Variants in CFAP251 observed in about 807,000 individuals in gnomAD.
The protein encoded by CFAP251 is cilia and flagella associated protein 251.
A neutral mutation model predicts 126.7 loss-of-function variants in CFAP251; 93 were observed. That is an observed-to-expected ratio of 0.73 (90% CI 0.62 to 0.87). CFAP251 has a LOEUF of 0.87. CFAP251 is among the 40% of genes least tolerant of loss of function. The pLI is 0.00. For synonymous variants in CFAP251, 503 were observed against 506.9 expected, an observed-to-expected ratio of 0.99 and a Z score of 0.10; for missense variants, 1,287 against 1,389.2, an observed-to-expected ratio of 0.93 and a Z score of 1.17.
chr12:121,975,777 G>A (rs1023250726), intron 19 of CFAP251, 92 bp downstream of exon 19: 2 of 1,398,650 alleles, frequency 1.4e-6, no homozygotes, highest in African/African-American at 2.9e-5. Flanking sequence ...AGCAAAAATT[G>A]CACATTTTTC....
intron 17 of CFAP251, among the ~76,000 whole-genome samples, chr12:121,973,730 A>C (rs1273228763): frequency 1.3e-5 from 2 of 152,196 alleles, no homozygotes; most frequent in Non-Finnish European, 2.9e-5. Context: ...TCAGACTTGC[A>C]TGAGGCCTGT....
At chr12:121,941,780 C>T (rs1485260900) in intron 5 of CFAP251, among the ~76,000 whole-genome samples, 1 of 152,110 alleles carries the variant, frequency 6.6e-6, no homozygotes, top group African/African-American at 2.4e-5. Context: ...TTACTTTTTC[C>T]ATGATTTCCC....
At chr12:121,942,681 G>A (rs1881170006) in intron 6 of CFAP251, 36 bp downstream of exon 6, 1 of 1,550,986 alleles carries the variant, frequency 6.4e-7, no homozygotes, top group Admixed American at 1.8e-5. Flanking sequence ...GCATCAGCGA[G>A]CTGGCCGACC....
Position 121,974,999 on chromosome 12 carries a change from T to G in CFAP251, c.2772-245T>G, listed in dbSNP as rs1882420809. On this transcript the variant is annotated intron_variant, in intron 17 of 21. Coordinates refer to ENST00000288912, the MANE Select transcript of CFAP251 (RefSeq NM_144668.6). This position sits in a 1 kb window ranked among gnomAD's most constrained non-coding sequence, Gnocchi z 4.6. ...GACAAATTGCCAAGCACCTGCCCTG[T>G]CATCATCAAGAGAATATCACCATAA... is the stretch of plus-strand genomic sequence containing the variant. 6.6e-6 allele frequency among the ~76,000 whole-genome samples: 1 copy of G among 152,198 alleles called. No homozygotes were observed.
chr12:121,942,862 TTCTCATGCCCC>T (rs1881178262), intron 6 of CFAP251, 22 bp from the exon 7 acceptor site: 4 of 1,612,250 alleles, frequency 2.5e-6, no homozygotes, highest in Non-Finnish European at 3.4e-6. Flanking sequence ...TTCACAGACC[TTCTCATGCCCC>T]TCTCTCTACT....
intron 15 of CFAP251, among the ~76,000 whole-genome samples, chr12:121,963,558 G>A (rs777834445): frequency 1.3e-5 from 2 of 150,908 alleles, no homozygotes; most frequent in Non-Finnish European, 2.9e-5. Context: ...CCACAGCCAG[G>A]GAGCAGGGCA....
intron 15 of CFAP251, among the ~76,000 whole-genome samples, chr12:121,963,895 C>T (rs1882033604): frequency 6.6e-6 from 1 of 151,790 alleles, no homozygotes; most frequent in African/African-American, 2.4e-5. Flanking sequence ...CCTGGTCAGC[C>T]CTGGAGGGGA....
chr12:122,002,211 C>T (rs891671895), intron 21 of CFAP251, among the ~76,000 whole-genome samples: 1 of 152,044 alleles, frequency 6.6e-6, no homozygotes, highest in Non-Finnish European at 1.5e-5. Flanking sequence ...GAAAATTAGC[C>T]AAGCATGGTG....
At chr12:121,970,719 C>T (rs959438786) in intron 17 of CFAP251, among the ~76,000 whole-genome samples, 4 of 152,206 alleles carry the variant, frequency 2.6e-5, no homozygotes, top group Admixed American at 6.5e-5. Context: ...TCGTTGGGAT[C>T]GCATGTAGCT....
intron 19 of CFAP251, among the ~76,000 whole-genome samples, chr12:121,981,560 G>A (rs1882623434): frequency 6.6e-6 from 1 of 152,186 alleles, no homozygotes; most frequent in Admixed American, 6.5e-5. Context: ...CAAGTTCCAG[G>A]CACCCTTGCC....
At position 121,957,248 on chromosome 12, in the gene CFAP251, A is replaced by C. The variant is rs1209154693; in HGVS notation, c.1710A>C (p.Lys570Asn). Residue 570 changes from lysine (K) to asparagine (N), a missense_variant, in exon 11 of 22, where the codon AAA (lysine) becomes AAC (asparagine). Physicochemically the swap from Lys to Asn is moderately conservative, Grantham distance 94. Coordinates refer to ENST00000288912, the MANE Select transcript of CFAP251 (RefSeq NM_144668.6). ...KSNYPPDCTLKGDLFVLRNFI... is the reference protein window; with the variant it reads ...KSNYPPDCTLNGDLFVLRNFI... ...ACTATCCTCCTGACTGCACTTTAAA[A>C]GGTGACCTTTTTGTCTTAAGGTAAG... is the stretch of plus-strand genomic sequence containing the variant. The C allele has an allele frequency of 1.9e-6, 3 of 1,610,468 alleles. No individual in the cohort carries two copies. In the African/African-American group the frequency reaches 4.0e-5, roughly 22 times the overall value.
chr12:121,941,854 G>C lies in CFAP251; in HGVS notation c.999-680G>C, dbSNP rs558432197. Reference sequence around the variant, plus strand: ...GGTGTATGCATTGAAGGTTTTGATAGATACAGCCAAACTGCTTCTAGAAAA... The same window carrying C: ...GGTGTATGCATTGAAGGTTTTGATACATACAGCCAAACTGCTTCTAGAAAA... On this transcript the variant is annotated intron_variant, in intron 5 of 21. Transcript: ENST00000288912. Among the ~76,000 whole-genome samples the C allele has an allele frequency of 3.6e-4, 55 of 152,262 alleles. No individual in the cohort carries two copies. In the South Asian group the frequency reaches 0.011, roughly 30 times the overall value.
In CFAP251 at chr12:121,958,457, A is replaced by C. The variant is rs1030425647; in HGVS notation, c.1916A>C (p.Gln639Pro). 2 of 1,614,140 alleles carry C rather than the reference A, an allele frequency of 1.2e-6. No homozygotes were observed. The highest frequency in any genetic ancestry group is 1.7e-6 in the Non-Finnish European group (2 of 1,180,052). The change falls in exon 12 of 22, where the codon CAA becomes CCA. Residue 639 changes from glutamine (Q) to proline (P), a missense_variant. Coordinates refer to ENST00000288912, the MANE Select transcript of CFAP251 (RefSeq NM_144668.6). ...AAAGTGTGGAATTATGAAAACAAACAATATCTTTTCAGCAGGGTTTTTGAG... is the reference window on the plus strand; with the variant it reads ...AAAGTGTGGAATTATGAAAACAAACCATATCTTTTCAGCAGGGTTTTTGAG... ...MIKVWNYENK[Q>P]YLFSRVFEKG...
chr12:121,969,040 G>A (rs946347136), intron 17 of CFAP251: 4 of 985,172 alleles, frequency 4.1e-6, no homozygotes, highest in South Asian at 4.7e-5. Flanking sequence ...AAGCCCCTGC[G>A]CTGCCTGTGG....
At position 121,972,690 on chromosome 12, in the gene CFAP251, G is replaced by T. The variant is rs186867994; in HGVS notation, c.2772-2554G>T. 7.9e-5 allele frequency among the ~76,000 whole-genome samples: 12 copies of T among 152,118 alleles called. No homozygotes were observed. In the East Asian group the frequency reaches 2.3e-3, roughly 30 times the overall value. ...TTTTTAGTAGAGAAAGGGTTTCACC[G>T]TGTTAGCCAGGATGGTCTTGATCTC... is the stretch of plus-strand genomic sequence containing the variant. On this transcript the variant is annotated intron_variant, in intron 17 of 21. Transcript: ENST00000288912.
At chr12:121,977,357 T>C (rs770813177) in intron 19 of CFAP251, among the ~76,000 whole-genome samples, 3 of 152,220 alleles carry the variant, frequency 2.0e-5, no homozygotes, top group Non-Finnish European at 2.9e-5. Flanking sequence ...TAGATGTATA[T>C]AGTTTTAAAA....
At chr12:121,938,162 G>A (rs1456195039) in intron 5 of CFAP251, among the ~76,000 whole-genome samples, 1 of 151,208 alleles carries the variant, frequency 6.6e-6, no homozygotes, top group African/African-American at 2.4e-5. Flanking sequence ...ATGCCACTGA[G>A]CCTGGCTAAT....
rs371466313 is a variant in CFAP251 at position 121,960,705 on chromosome 12, T to A, written c.2254T>A (p.Tyr752Asn). 1.2e-5 allele frequency: 19 copies of A among 1,613,884 alleles called. No individual in the cohort carries two copies. The highest frequency in any genetic ancestry group is 1.5e-5 in the Non-Finnish European group (18 of 1,179,940). Residue 752 changes from tyrosine to asparagine, a missense_variant, in exon 14 of 22, where the codon TAC (tyrosine) becomes AAC (asparagine). Coordinates refer to ENST00000288912, the MANE Select transcript of CFAP251 (RefSeq NM_144668.6). ...CATTCGAAGTCTCCTGTTTGGGGTTTACCTGGACAGCAATGAGCCTAGACT... is the reference window on the plus strand; with the variant it reads ...CATTCGAAGTCTCCTGTTTGGGGTTAACCTGGACAGCAATGAGCCTAGACT... ...KSIRSLLFGV[Y>N]LDSNEPRLLS...
intron 12 of CFAP251, among the ~76,000 whole-genome samples, 196 bp from the exon 13 acceptor site, chr12:121,958,747 C>T (rs768041328): frequency 2.7e-4 from 41 of 152,242 alleles, no homozygotes; most frequent in Middle Eastern, 6.8e-3. Flanking sequence ...CTGGGGCTCC[C>T]GCGGTGTCCT....
Sources: gnomAD v4.1 joint callset for allele counts (sites outside exome capture counted in the v4.1 genomes callset) on GRCh38, gnomAD v4.1.1 for gene constraint, Gnocchi (gnomAD v3.1) non-coding constraint, MANE v1.5 for transcripts, NCBI Gene and HGNC (gene_info 2026-07-23, HGNC 2026-07-21) for gene names.